Variants in GPM6A observed in about 807,000 individuals in gnomAD.
GPM6A encodes glycoprotein M6A.
Under a neutral mutation model 32.1 loss-of-function variants are expected in GPM6A, and 7 were observed. The observed-to-expected ratio is 0.22, with a 90% CI of 0.12 to 0.41. The LOEUF is 0.41. Among genes scored for constraint, GPM6A ranks in the 10% least tolerant of loss-of-function variants. The probability of loss-of-function intolerance (pLI) is 1.00; values close to 1 mark genes in which losing one functional copy is unlikely to be tolerated. For synonymous variants in GPM6A, 130 were observed against 123.4 expected (o/e 1.05, Z -0.35); for missense variants, 235 against 347.2 (o/e 0.68, Z 2.57).
chr4:175,731,093 G>T (rs13132647), intron 1 of GPM6A, among the ~76,000 whole-genome samples: 32,475 of 151,996 alleles, frequency 0.21, 3,825 homozygotes, highest in Non-Finnish European at 0.26. Context: ...ATATCAATTT[G>T]TTATTTCTCC....
intron 1 of GPM6A, among the ~76,000 whole-genome samples, chr4:175,960,044 CA>C (rs2126399364): frequency 6.6e-6 from 1 of 152,200 alleles, no homozygotes; most frequent in South Asian, 2.1e-4. Flanking sequence ...GTAAATTAAC[CA>C]TGGTTACATC....
At chr4:175,993,432 T>C (rs975559370) in intron 1 of GPM6A, among the ~76,000 whole-genome samples, 109 of 152,082 alleles carry the variant, frequency 7.2e-4, no homozygotes, top group African/African-American at 2.5e-3. Flanking sequence ...ACTTTTCAGC[T>C]GAAAAGTCCT....
At chr4:175,701,193 G>A (rs1744856500) in intron 2 of GPM6A, among the ~76,000 whole-genome samples, 1 of 152,020 alleles carries the variant, frequency 6.6e-6, no homozygotes, top group Non-Finnish European at 1.5e-5. Flanking sequence ...GAGCACCCAT[G>A]GAGCTTTGCT....
intron 6 of GPM6A, among the ~76,000 whole-genome samples, chr4:175,637,523 A>ATATATAAAAATATACAATATATTATATAT (rs1579325005): frequency 9.5e-6 from 1 of 105,214 alleles, no homozygotes; most frequent in South Asian, 2.5e-4. Context: ...ATATTTTTAT[A>ATATATAAAAATATACAATATATTATATAT]TATATAAAAA....
chr4:175,754,557 C>T (rs1170451817), intron 1 of GPM6A, among the ~76,000 whole-genome samples: 1 of 151,978 alleles, frequency 6.6e-6, no homozygotes, highest in African/African-American at 2.4e-5. Context: ...AATAGTAATC[C>T]CAAAATGCTC....
At chr4:175,721,547 T>C (rs1395999552) in intron 1 of GPM6A, among the ~76,000 whole-genome samples, 1 of 152,198 alleles carries the variant, frequency 6.6e-6, no homozygotes, top group African/African-American at 2.4e-5. Context: ...GGACTGGTTT[T>C]ATTATCTGTA....
chr4:175,939,056 A>G (rs2126336198), intron 1 of GPM6A, among the ~76,000 whole-genome samples: 1 of 152,334 alleles, frequency 6.6e-6, no homozygotes, highest in African/African-American at 2.4e-5. Flanking sequence ...ATAAACAAAA[A>G]AGGGTGAAAA....
intron 1 of GPM6A, among the ~76,000 whole-genome samples, chr4:175,707,085 C>T (rs1054647640): frequency 6.6e-6 from 1 of 152,182 alleles, no homozygotes; most frequent in Non-Finnish European, 1.5e-5. Flanking sequence ...ATGAATTATC[C>T]ACTCCTTGTT....
intron 1 of GPM6A, chr4:175,891,362 G>C (rs1202878007): frequency 1.3e-5 from 2 of 151,996 alleles, no homozygotes; most frequent in African/African-American, 4.8e-5. Context: ...CCTTCTTTTA[G>C]GTAAGATTTG....
At chr4:175,751,757 G>T (rs976147222) in intron 1 of GPM6A, among the ~76,000 whole-genome samples, 176 of 147,708 alleles carry the variant, frequency 1.2e-3, no homozygotes, top group Admixed American at 3.2e-3. Flanking sequence ...TTTTTTTTTT[G>T]TTGTTGTTGT....
chr4:175,635,091 T>C lies in GPM6A; in HGVS notation c.685-34A>G, dbSNP rs375332466. On this transcript the variant is annotated intron_variant, in intron 6 of 6. Coordinates refer to ENST00000393658, the MANE Select transcript of GPM6A (RefSeq NM_201591.3). ...AGAGAAAAATAATTTATATTGGAAG[T>C]TTGTTCAGTGTCTTCATTACACCTT... is the stretch of plus-strand genomic sequence containing the variant. The C allele has an allele frequency of 1.2e-5, 19 of 1,562,644 alleles. No individual in the cohort carries two copies. In the African/African-American group the frequency reaches 1.6e-4, roughly 13 times the overall value.
intron 1 of GPM6A, among the ~76,000 whole-genome samples, chr4:175,857,893 A>G (rs1419286923): frequency 6.6e-6 from 1 of 152,216 alleles, no homozygotes; most frequent in Non-Finnish European, 1.5e-5. Flanking sequence ...TTAAAAAAAT[A>G]GCAACCTATG....
At chr4:175,903,263 C>G (rs887966574) in intron 1 of GPM6A, among the ~76,000 whole-genome samples, 4 of 140,824 alleles carry the variant, frequency 2.8e-5, no homozygotes, top group African/African-American at 1.1e-4. Context: ...AAATAAATAA[C>G]TCTAATAGAT....
chr4:175,671,477 G>GAAAAAAAAAAAAAAAAAAAAAAAA (rs544889132), intron 3 of GPM6A, among the ~76,000 whole-genome samples: 2 of 24,408 alleles, frequency 8.2e-5, no homozygotes, highest in Non-Finnish European at 1.4e-4. Context: ...GCCTACAAAC[G>GAAAAAAAAAAAAAAAAAAAAAAAA]AAAAAAAAAA....
At chr4:175,904,059 AG>A (rs1738048745) in intron 1 of GPM6A, among the ~76,000 whole-genome samples, 1 of 152,184 alleles carries the variant, frequency 6.6e-6, no homozygotes, top group Non-Finnish European at 1.5e-5. Flanking sequence ...GAGTAAAAGA[AG>A]TAAAGTTAGG....
At chr4:175,729,144 C>T (rs879830068) in intron 1 of GPM6A, among the ~76,000 whole-genome samples, 3 of 152,178 alleles carry the variant, frequency 2.0e-5, no homozygotes, top group Non-Finnish European at 4.4e-5. Context: ...AATACCAAAA[C>T]TCAAATCTCT....
intron 1 of GPM6A, among the ~76,000 whole-genome samples, chr4:175,902,302 T>C (rs1252728158): frequency 6.6e-6 from 1 of 152,136 alleles, no homozygotes; most frequent in Admixed American, 6.6e-5. Context: ...TTAGTGATGG[T>C]AAGAGATTCA....
intron 1 of GPM6A, among the ~76,000 whole-genome samples, chr4:175,895,291 G>T (rs1247881153): frequency 6.6e-6 from 1 of 152,034 alleles, no homozygotes; most frequent in Non-Finnish European, 1.5e-5. Context: ...CCATTTGGTT[G>T]CTATAAAGAA....
At chr4:175,823,936 C>CCTT (rs1249983630) in intron 1 of GPM6A, among the ~76,000 whole-genome samples, 1 of 152,076 alleles carries the variant, frequency 6.6e-6, no homozygotes, top group African/African-American at 2.4e-5. Flanking sequence ...GGTGAAAGGC[C>CCTT]CTTCCTTTCT....
Sources: gnomAD v4.1 joint callset for allele counts (sites outside exome capture counted in the v4.1 genomes callset) on GRCh38, gnomAD v4.1.1 for gene constraint, MANE v1.5 for transcripts, NCBI Gene and HGNC (gene_info 2026-07-23, HGNC 2026-07-21) for gene names.